ZC3H12B: variants seen among roughly 807,000 people sequenced by gnomAD.
ZC3H12B encodes zinc finger CCCH-type containing 12B.
In ZC3H12B, 7 loss-of-function variants were observed where a neutral mutation model predicts 43.9. That is an observed-to-expected ratio of 0.16 (90% CI 0.09 to 0.30). The LOEUF (loss-of-function observed/expected upper bound fraction) is 0.30, where lower values mean the gene tolerates loss of function less well. ZC3H12B is among the 10% of genes least tolerant of loss of function. The pLI is 1.00. For synonymous variants in ZC3H12B, 222 were observed against 241.7 expected (o/e 0.92, Z 0.76); for missense variants, 475 against 670.2 (o/e 0.71, Z 3.22).
the ZC3H12B span, among the ~76,000 whole-genome samples, chrX:65,329,153 A>G: frequency 1.7e-4 from 19 of 111,554 alleles, no homozygotes; most frequent in African/African-American, 5.3e-4. Flanking sequence ...GAACTAGTTT[A>G]CAGTCCCACC....
At chrX:65,442,799 G>A (rs2067319434) in intron 3 of ZC3H12B, among the ~76,000 whole-genome samples, 1 of 112,188 alleles carries the variant, frequency 8.9e-6, no homozygotes, top group African/African-American at 3.2e-5. Flanking sequence ...AGGCTCAAAT[G>A]TAGCTGTAAT....
chrX:65,196,989 A>G, the ZC3H12B span, among the ~76,000 whole-genome samples: 1 of 112,218 alleles, frequency 8.9e-6, no homozygotes, highest in African/African-American at 3.2e-5. Context: ...AGGCATTAGA[A>G]GCCAAAGCCA....
At chrX:65,060,428 A>G in the ZC3H12B span, among the ~76,000 whole-genome samples, 5 of 111,971 alleles carry the variant, frequency 4.5e-5, no homozygotes, top group South Asian at 1.5e-3. Flanking sequence ...GAATTTTATC[A>G]CATGCTTTTT....
At chrX:65,367,510 C>T (rs1317245704) in intron 1 of ZC3H12B, among the ~76,000 whole-genome samples, 1 of 111,488 alleles carries the variant, frequency 9.0e-6, no homozygotes, top group Non-Finnish European at 1.9e-5. Context: ...TATAAATGAA[C>T]TGTGGAATAT....
the ZC3H12B span, among the ~76,000 whole-genome samples, chrX:65,227,410 A>C: frequency 9.0e-6 from 1 of 111,691 alleles, no homozygotes; most frequent in African/African-American, 3.3e-5. Context: ...TATAACACTA[A>C]ATGCCCACAA....
intron 3 of ZC3H12B, among the ~76,000 whole-genome samples, chrX:65,445,737 G>C (rs1569411100): frequency 8.9e-6 from 1 of 112,419 alleles, no homozygotes; most frequent in Non-Finnish European, 1.9e-5. Flanking sequence ...TTCCCTTGAG[G>C]ATGGCATATT....
chrX:65,299,552 C>T, the ZC3H12B span, among the ~76,000 whole-genome samples: 5 of 111,700 alleles, frequency 4.5e-5, no homozygotes, highest in African/African-American at 1.6e-4. Context: ...GTTCCTGAAC[C>T]GACAAATAAT....
chrX:65,388,123 A>G (rs1261214280), intron 2 of ZC3H12B, among the ~76,000 whole-genome samples: 1 of 110,723 alleles, frequency 9.0e-6, no homozygotes, highest in East Asian at 2.8e-4. Context: ...TGTGTCTTGG[A>G]GTTGCTCTTC....
chrX:65,159,368 G>A, the ZC3H12B span, among the ~76,000 whole-genome samples: 4 of 111,564 alleles, frequency 3.6e-5, no homozygotes, highest in Admixed American at 9.5e-5. Context: ...CAGTATGGCC[G>A]TTTTCATGGT....
the ZC3H12B span, among the ~76,000 whole-genome samples, chrX:65,104,104 A>T: frequency 1.2e-4 from 13 of 111,312 alleles, no homozygotes; most frequent in African/African-American, 4.3e-4. Context: ...GAGGCCTCAG[A>T]AATAACACCA....
the ZC3H12B span, among the ~76,000 whole-genome samples, chrX:65,042,759 GTTTAT>G: frequency 3.6e-5 from 4 of 111,858 alleles, no homozygotes; most frequent in African/African-American, 1.3e-4. Context: ...GAAAAAAAGA[GTTTAT>G]TTTAAGTATA....
chrX:65,088,890 A>T, the ZC3H12B span, among the ~76,000 whole-genome samples: 1 of 111,714 alleles, frequency 9.0e-6, no homozygotes, highest in African/African-American at 3.3e-5. Context: ...TGAGCAAGTT[A>T]CTTAATTTGT....
At chrX:65,321,613 A>G in the ZC3H12B span, among the ~76,000 whole-genome samples, 3 of 110,908 alleles carry the variant, frequency 2.7e-5, no homozygotes, top group African/African-American at 9.9e-5. Context: ...TGTTCATTGC[A>G]GAACTTTTCA....
At chrX:65,504,952 T>A (rs2068410737) in exon 5 of ZC3H12B, 1 of 112,450 alleles carries the variant, frequency 8.9e-6, no homozygotes, top group Non-Finnish European at 1.9e-5. Context: ...ATGCAAAGAG[T>A]GCACTTGCTG....
intron 4 of ZC3H12B, among the ~76,000 whole-genome samples, chrX:65,500,216 G>C (rs1279949593): frequency 8.9e-6 from 1 of 112,411 alleles, no homozygotes; most frequent in Non-Finnish European, 1.9e-5. Context: ...GTTGTCACTT[G>C]TGACAATAGT....
At chrX:65,458,288 TAGAC>T (rs1207854944) in intron 3 of ZC3H12B, among the ~76,000 whole-genome samples, 1 of 109,749 alleles carries the variant, frequency 9.1e-6, no homozygotes, top group African/African-American at 3.3e-5. Context: ...CTGTCAATAT[TAGAC>T]AGATCAATGA....
intron 3 of ZC3H12B, among the ~76,000 whole-genome samples, chrX:65,480,763 T>G (rs2068052997): frequency 9.1e-6 from 1 of 109,567 alleles, no homozygotes; most frequent in African/African-American, 3.3e-5. Context: ...GGAGAATCGC[T>G]TGAACCCGGG....
At chrX:65,350,782 A>C in the ZC3H12B span, among the ~76,000 whole-genome samples, 1 of 111,969 alleles carries the variant, frequency 8.9e-6, no homozygotes, top group Non-Finnish European at 1.9e-5. Flanking sequence ...GGACCTCTTA[A>C]AGGATAACTA....
At chrX:65,116,666 T>G in the ZC3H12B span, among the ~76,000 whole-genome samples, 4 of 110,462 alleles carry the variant, frequency 3.6e-5, no homozygotes, top group Non-Finnish European at 7.6e-5. Flanking sequence ...GCTACACCTG[T>G]TAACTCGTCA....
Sources: allele counts gnomAD v4.1 joint callset (sites outside exome capture counted in the v4.1 genomes callset), GRCh38; gene constraint gnomAD v4.1.1; transcripts MANE v1.5; gene names NCBI Gene and HGNC (gene_info 2026-07-23, HGNC 2026-07-21).